Variants in PSG5 observed in about 807,000 individuals in gnomAD.
PSG5 encodes pregnancy-specific beta-1-glycoprotein 5.
In PSG5, 53 loss-of-function variants were observed where a neutral mutation model predicts 37.7. The ratio of observed to expected loss-of-function variants is 1.41; its 90% CI spans 1.13 to 1.77. The LOEUF (loss-of-function observed/expected upper bound fraction) is 1.77, where lower values mean the gene tolerates loss of function less well. Ranked by LOEUF, PSG5 falls within the 40% of genes most tolerant of loss-of-function variation. The pLI is 0.00. For missense variants in PSG5, 547 were observed against 405.2 expected (o/e 1.35, Z -3.00); for synonymous variants, 221 against 155.4 (o/e 1.42, Z -3.14).
At chr19:43,168,809 C>T (rs1351157879) in intron 5 of PSG5, among the ~76,000 whole-genome samples, 2 of 151,470 alleles carry the variant, frequency 1.3e-5, no homozygotes, top group African/African-American at 4.9e-5. Context: ...TTCTGTTTCT[C>T]AAGAGGATTA....
Position 43,184,876 on chromosome 19 carries a change from G to T in PSG5, c.336C>A (p.Val112=). ...TGTAGGATCCTGCGTCTTCCCGGGT[G>T]ACATTCTGGATCAGCAGGGATGCAT... ...YSNASLLIQN[V]TREDAGSYTL... Residue 112 remains valine, a synonymous_variant, in exon 2 of 6, where the codon GTC becomes GTA. Coordinates refer to ENST00000342951, the MANE Select transcript of PSG5 (RefSeq NM_002781.4). 6.2e-7 allele frequency: 1 copy of T among 1,612,606 alleles called. No homozygotes were observed. The highest frequency in any genetic ancestry group is 8.5e-7 in the Non-Finnish European group (1 of 1,179,174).
Position 43,175,923 on chromosome 19 carries a change from A to G in PSG5, c.656T>C (p.Ile219Thr), listed in dbSNP as rs755298100. ...GCGCATGCCACCATCTCGGTCCCGT[A>G]TTTCACATTCATAGGGTCCTGTTTC... ...RNETGPYECE[I>T]RDRDGGMRSD... The change falls in exon 3 of 6, where the codon ATA (isoleucine) becomes ACA (threonine). Residue 219 changes from isoleucine (I) to threonine (T), a missense_variant. Transcript: ENST00000342951. The G allele has an allele frequency of 1.1e-5, 17 of 1,612,344 alleles. 1 individual carries two copies. In the African/African-American group the frequency reaches 1.9e-4, roughly 18 times the overall value.
intron 2 of PSG5, among the ~76,000 whole-genome samples, chr19:43,178,618 T>G (rs1308695466): frequency 6.6e-6 from 1 of 151,616 alleles, no homozygotes; most frequent in African/African-American, 2.4e-5. Flanking sequence ...TTCACTGATC[T>G]GGAGCCTGAG....
intron 2 of PSG5, among the ~76,000 whole-genome samples, chr19:43,181,994 G>A (rs972830819): frequency 5.3e-5 from 8 of 151,668 alleles, no homozygotes; most frequent in Admixed American, 1.3e-4. Context: ...ACACCCTGGT[G>A]AGTCAGTCCA....
intron 5 of PSG5, among the ~76,000 whole-genome samples, chr19:43,169,244 T>A (rs1436408618): frequency 6.6e-6 from 1 of 151,694 alleles, no homozygotes; most frequent in East Asian, 1.9e-4. Context: ...GCCTTCTTCA[T>A]TTCTGTATGT....
intron 5 of PSG5, among the ~76,000 whole-genome samples, 172 bp from the exon 6 acceptor site, chr19:43,168,375 A>AC: frequency 6.7e-6 from 1 of 150,148 alleles, no homozygotes; most frequent in South Asian, 2.1e-4. Context: ...ATTTAAAAAA[A>AC]TTTTTTTTTT....
intron 2 of PSG5, among the ~76,000 whole-genome samples, chr19:43,182,930 A>G (rs1025352089): frequency 2.7e-5 from 4 of 148,780 alleles, no homozygotes; most frequent in Non-Finnish European, 5.9e-5. Flanking sequence ...TGATTTCTGC[A>G]CCTTTCCTAT....
chr19:43,181,716 G>A (rs1438693880), intron 2 of PSG5, among the ~76,000 whole-genome samples: 2 of 151,778 alleles, frequency 1.3e-5, no homozygotes, highest in Non-Finnish European at 2.9e-5. Flanking sequence ...GCCTCCCAAA[G>A]TCCTGGGATT....
chr19:43,178,705 G>A (rs568954703), intron 2 of PSG5, among the ~76,000 whole-genome samples: 22 of 151,760 alleles, frequency 1.4e-4, no homozygotes, highest in Non-Finnish European at 2.5e-4. Context: ...TTCTCCTATT[G>A]TGGATCAAGC....
intron 4 of PSG5, among the ~76,000 whole-genome samples, chr19:43,172,791 G>C (rs1229212679): frequency 2.0e-5 from 3 of 151,598 alleles, no homozygotes; most frequent in Admixed American, 1.3e-4. Context: ...AATATTGTTA[G>C]GAGGACAGTG....
intron 4 of PSG5, 79 bp from the exon 5 acceptor site, chr19:43,170,217 C>T: frequency 8.2e-7 from 1 of 1,213,442 alleles, no homozygotes; most frequent in Non-Finnish European, 1.2e-6. Context: ...AGGCATGTAG[C>T]ATGAGGTACT....
chr19:43,170,834 A>T (rs910866576), intron 4 of PSG5: 16 of 152,258 alleles, frequency 1.1e-4, no homozygotes, highest in African/African-American at 3.9e-4. Context: ...GTCCTCCCTG[A>T]TAAATTATCT....
chr19:43,172,642 A>G (rs1968929262), intron 4 of PSG5, among the ~76,000 whole-genome samples: 1 of 151,662 alleles, frequency 6.6e-6, no homozygotes, highest in South Asian at 2.1e-4. Flanking sequence ...TTAACATCAA[A>G]AAGAATAAAA....
intron 4 of PSG5, among the ~76,000 whole-genome samples, chr19:43,173,451 AT>A (rs1907611939): frequency 1.3e-5 from 2 of 151,852 alleles, no homozygotes; most frequent in African/African-American, 4.8e-5. Context: ...TGCAAATTAT[AT>A]GTGTGATAAG....
At chr19:43,170,843 C>G (rs1376246315) in intron 4 of PSG5, 4 of 152,148 alleles carry the variant, frequency 2.6e-5, no homozygotes, top group African/African-American at 9.7e-5. Context: ...GATAAATTAT[C>G]TTGTATGTCT....
chr19:43,174,973 G>C (rs1407356081), intron 4 of PSG5: 1 of 1,373,534 alleles, frequency 7.3e-7, no homozygotes, highest in Non-Finnish European at 9.7e-7. Context: ...ATAGGGCTCA[G>C]GGCTGATAAA....
intron 2 of PSG5, among the ~76,000 whole-genome samples, chr19:43,178,062 G>A (rs1483238673): frequency 1.3e-5 from 2 of 151,630 alleles, no homozygotes; most frequent in Non-Finnish European, 1.5e-5. Context: ...TCTAGAAAGA[G>A]TGAAGGGGAA....
chr19:43,182,751 G>A (rs1262986310), intron 2 of PSG5, among the ~76,000 whole-genome samples: 1 of 136,452 alleles, frequency 7.3e-6, no homozygotes, highest in Non-Finnish European at 1.6e-5. Flanking sequence ...ATCTTGCCTG[G>A]CAATTATGAA....
chr19:43,175,923 A>T lies in PSG5; in HGVS notation c.656T>A (p.Ile219Lys). 6.2e-7 allele frequency: 1 copy of T among 1,612,462 alleles called. No individual in the cohort carries two copies. Among genetic ancestry groups the T allele is most frequent in the Non-Finnish European group, 8.5e-7 (1 of 1,179,162 alleles). ...RNETGPYECEIRDRDGGMRSD... is the reference protein window; with the variant it reads ...RNETGPYECEKRDRDGGMRSD... The stretch of plus-strand genomic sequence containing the variant: ...GCGCATGCCACCATCTCGGTCCCGT[A>T]TTTCACATTCATAGGGTCCTGTTTC... The change falls in exon 3 of 6, where the codon ATA (isoleucine) becomes AAA (lysine). Residue 219 changes from isoleucine to lysine, a missense_variant. Transcript: ENST00000342951.
Sources: allele counts gnomAD v4.1 joint callset (sites outside exome capture counted in the v4.1 genomes callset), GRCh38; gene constraint gnomAD v4.1.1; transcripts MANE v1.5; gene names NCBI Gene and HGNC (gene_info 2026-07-23, HGNC 2026-07-21).